Variants in DNAH14 observed in about 807,000 individuals in gnomAD.
The protein encoded by DNAH14 is axonemal beta dynein heavy chain 14.
In DNAH14, 478 loss-of-function variants were observed where a neutral mutation model predicts 520.9. The ratio of observed to expected loss-of-function variants is 0.92; its 90% CI spans 0.85 to 0.99. The LOEUF is 0.99. Among genes scored for constraint, DNAH14 ranks in the 50% least tolerant of loss-of-function variants. The probability of loss-of-function intolerance (pLI) is 0.00; values close to 1 mark genes in which losing one functional copy is unlikely to be tolerated. For synonymous variants in DNAH14, 1,581 were observed against 1,757.2 expected (o/e 0.90, Z 2.51); for missense variants, 4,831 against 5,234.5 (o/e 0.92, Z 2.38).
At chr1:225,312,559 C>T (rs772417892) in intron 60 of DNAH14, among the ~76,000 whole-genome samples, 2 of 151,986 alleles carry the variant, frequency 1.3e-5, no homozygotes, top group African/African-American at 2.4e-5. Flanking sequence ...TTTGCCCATT[C>T]GGTATGATAT....
chr1:225,354,327 C>T lies in DNAH14; in HGVS notation c.11619+439C>T, dbSNP rs1249210759. 6 of 688,234 alleles carry T rather than the reference C, an allele frequency of 8.7e-6. No individual in the cohort carries two copies. In the African/African-American group the frequency reaches 8.8e-5, roughly 10 times the overall value. The allele number at this position is 688,234 out of a possible 1,614,324, so 42.6% of individuals were successfully genotyped here. Reference sequence around the variant, plus strand: ...TGAGGAAGCACATTTTTGCCTCATACCTAAACCACATCCACCAACATGACC... The same window carrying T: ...TGAGGAAGCACATTTTTGCCTCATATCTAAACCACATCCACCAACATGACC... On this transcript the variant is annotated intron_variant, in intron 73 of 85. Coordinates refer to ENST00000682510, the MANE Select transcript of DNAH14 (RefSeq NM_001367479.1).
In DNAH14 at chr1:225,377,306, G is replaced by A; in HGVS notation, c.12586G>A (p.Asp4196Asn). The A allele has an allele frequency of 1.3e-6, 2 of 1,550,288 alleles. No individual in the cohort carries two copies. The highest frequency in any genetic ancestry group is 1.7e-6 in the Non-Finnish European group (2 of 1,146,328). The change falls in exon 79 of 86, where the codon GAT becomes AAT. Residue 4196 changes from aspartate (D) to asparagine (N), a missense_variant. Coordinates refer to ENST00000682510, the MANE Select transcript of DNAH14 (RefSeq NM_001367479.1). ...YIHIIQSLPD[D>N]DLPEVLGIHP... ...ACACATTATCCAGTCCTTACCTGAT[G>A]ATGACCTTCCCGAGGTCTTAGGAAT...
At chr1:225,002,979 A>G in intron 9 of DNAH14, 52 bp downstream of exon 9, 1 of 1,347,678 alleles carries the variant, frequency 7.4e-7, no homozygotes, top group Non-Finnish European at 9.8e-7. Flanking sequence ...GAAACTAGGA[A>G]GAAAAATAGC....
chr1:224,939,305 G>A (rs974608451), intron 1 of DNAH14, among the ~76,000 whole-genome samples: 1 of 152,066 alleles, frequency 6.6e-6, no homozygotes, highest in African/African-American at 2.4e-5. Flanking sequence ...ACCCTCAGAT[G>A]CACTGGATTG....
chr1:225,204,460 T>C (rs2087273223), intron 39 of DNAH14, among the ~76,000 whole-genome samples, 187 bp downstream of exon 39: 1 of 152,056 alleles, frequency 6.6e-6, no homozygotes, highest in African/African-American at 2.4e-5. Flanking sequence ...AATGTATACA[T>C]ATATATATAA....
chr1:225,091,177 T>C (rs1315020443), intron 21 of DNAH14, among the ~76,000 whole-genome samples: 1 of 152,098 alleles, frequency 6.6e-6, no homozygotes, highest in Non-Finnish European at 1.5e-5. Context: ...TTTCAGGATA[T>C]TGTTCATGAA....
At chr1:225,287,600 A>G (rs1220874132) in intron 54 of DNAH14, among the ~76,000 whole-genome samples, 1 of 152,202 alleles carries the variant, frequency 6.6e-6, no homozygotes, top group Non-Finnish European at 1.5e-5. Flanking sequence ...GGGTTAGTAT[A>G]CAAACATTTA....
intron 11 of DNAH14, among the ~76,000 whole-genome samples, chr1:225,035,533 C>G (rs1184055884): frequency 6.6e-6 from 1 of 151,376 alleles, no homozygotes; most frequent in Non-Finnish European, 1.5e-5. Flanking sequence ...TAGAAACTTA[C>G]ACCTATATAC....
At chr1:225,096,124 C>A (rs932320551) in intron 21 of DNAH14, among the ~76,000 whole-genome samples, 4 of 147,004 alleles carry the variant, frequency 2.7e-5, no homozygotes, top group African/African-American at 1.1e-4. Flanking sequence ...CGCCACCATG[C>A]CTGACTAATT....
At chr1:225,367,674 T>C (rs112959570) in intron 76 of DNAH14, 131 bp from the exon 77 acceptor site, 10 of 655,386 alleles carry the variant, frequency 1.5e-5, no homozygotes, top group African/African-American at 9.1e-5. Context: ...GATTTTGGAT[T>C]TGCCAGTGAA....
intron 42 of DNAH14, among the ~76,000 whole-genome samples, chr1:225,236,926 A>G (rs1391927968): frequency 2.0e-5 from 3 of 152,102 alleles, no homozygotes; most frequent in African/African-American, 7.2e-5. Context: ...GTAATCATAT[A>G]CATAATCATA....
chr1:225,353,393 T>A (rs1345762078), intron 72 of DNAH14, among the ~76,000 whole-genome samples: 1 of 152,150 alleles, frequency 6.6e-6, no homozygotes, highest in African/African-American at 2.4e-5. Context: ...CCCATATCGT[T>A]ATAGCTGGAT....
At chr1:225,032,346 C>A (rs1437072589) in intron 11 of DNAH14, among the ~76,000 whole-genome samples, 2 of 152,024 alleles carry the variant, frequency 1.3e-5, no homozygotes, top group East Asian at 3.9e-4. Flanking sequence ...GTTTTGTGTT[C>A]TTGCATTAGT....
At chr1:225,260,615 T>TCC (rs201919917) in intron 46 of DNAH14, among the ~76,000 whole-genome samples, 1 of 147,880 alleles carries the variant, frequency 6.8e-6, no homozygotes, top group African/African-American at 2.5e-5. Flanking sequence ...CTTTTTTTTT[T>TCC]CCCCCCCTCA....
In DNAH14 at chr1:225,302,443, T is replaced by A. The variant is rs2094156749; in HGVS notation, c.8632-713T>A. On this transcript the variant is annotated intron_variant, in intron 56 of 85. Coordinates refer to ENST00000682510, the MANE Select transcript of DNAH14 (RefSeq NM_001367479.1). Reference sequence around the variant, plus strand: ...TTATTTGACAAAATAAGTTGCTTGATGCTTATTATCATTTTGTACAATTAG... The same window carrying A: ...TTATTTGACAAAATAAGTTGCTTGAAGCTTATTATCATTTTGTACAATTAG... Among the ~76,000 whole-genome samples the A allele has an allele frequency of 1.3e-5, 2 of 152,312 alleles. 1 individual carries two copies. The highest frequency in any genetic ancestry group is 2.9e-5 in the Non-Finnish European group (2 of 68,036).
chr1:225,139,554 T>C (rs2079243751), intron 27 of DNAH14, among the ~76,000 whole-genome samples: 1 of 152,222 alleles, frequency 6.6e-6, no homozygotes, highest in Non-Finnish European at 1.5e-5. Context: ...AGAATGCAGA[T>C]AATTAGATGT....
chr1:225,208,091 A>G (rs1000351625), intron 41 of DNAH14, among the ~76,000 whole-genome samples: 1 of 152,180 alleles, frequency 6.6e-6, no homozygotes, highest in Non-Finnish European at 1.5e-5. Context: ...AACCAAGATG[A>G]TTAAAAAAGA....
intron 11 of DNAH14, among the ~76,000 whole-genome samples, chr1:225,025,346 A>G (rs547421331): frequency 3.0e-4 from 46 of 151,010 alleles, no homozygotes; most frequent in African/African-American, 1.1e-3. Flanking sequence ...ATATATATAT[A>G]TATATGTTTT....
At chr1:225,230,404 T>C (rs2090984505) in intron 41 of DNAH14, among the ~76,000 whole-genome samples, 1 of 152,164 alleles carries the variant, frequency 6.6e-6, no homozygotes, top group African/African-American at 2.4e-5. Flanking sequence ...CACAAAGAAA[T>C]GCATCAACAT....
Sources: gnomAD v4.1 joint callset for allele counts (sites outside exome capture counted in the v4.1 genomes callset) on GRCh38, gnomAD v4.1.1 for gene constraint, MANE v1.5 for transcripts, NCBI Gene and HGNC (gene_info 2026-07-23, HGNC 2026-07-21) for gene names.